The following COL4A6 variants were observed in gnomAD, a reference collection of about 807,000 sequenced individuals.
COL4A6 encodes collagen type IV alpha 6 chain.
A neutral mutation model predicts 126.7 loss-of-function variants in COL4A6; 59 were observed. The ratio of observed to expected loss-of-function variants is 0.47; its 90% CI spans 0.38 to 0.58. The LOEUF (loss-of-function observed/expected upper bound fraction) is 0.58, where lower values mean the gene tolerates loss of function less well. Ranked by LOEUF, COL4A6 falls within the 20% of genes least tolerant of loss-of-function variation. The pLI, the probability that COL4A6 is intolerant of heterozygous loss-of-function variation, is 0.00. For synonymous variants in COL4A6, 547 were observed against 496.6 expected (o/e 1.10, Z -1.35); for missense variants, 1,285 against 1,337.3 (o/e 0.96, Z 0.61).
At chrX:108,209,917 A>T in intron 8 of COL4A6, 52 bp downstream of exon 8, 1 of 1,176,578 alleles carries the variant, frequency 8.5e-7, no homozygotes, top group Non-Finnish European at 1.2e-6. Context: ...AAAATGCACC[A>T]TTAGTGATTT....
At chrX:108,421,966 A>G (rs1307260326) in intron 2 of COL4A6, among the ~76,000 whole-genome samples, 1 of 112,477 alleles carries the variant, frequency 8.9e-6, no homozygotes, top group Non-Finnish European at 1.9e-5. Context: ...ATTTCATACT[A>G]ATTTTTAAAA....
chrX:108,324,888 A>G (rs1156629812), intron 2 of COL4A6, among the ~76,000 whole-genome samples: 1 of 112,066 alleles, frequency 8.9e-6, no homozygotes, highest in Non-Finnish European at 1.9e-5. Context: ...AACCCAGCAA[A>G]TACACCAGGA....
Position 108,165,434 on chromosome X carries a change from G to A in COL4A6, c.3744C>T (p.Ser1248=). 8.3e-7 allele frequency: 1 copy of A among 1,206,195 alleles called. No homozygotes were observed. Among genetic ancestry groups the A allele is most frequent in the African/African-American group, 1.7e-5 (1 of 57,635 alleles). ...PAGLPGAPGI[S]LPSLIAGQPG... Reference sequence around the variant, plus strand: ...GCTGTCCTGCTATGAGTGAGGGCAAGGAGATGCCTGGGGCACCGGGGAGAC... The same window carrying A: ...GCTGTCCTGCTATGAGTGAGGGCAAAGAGATGCCTGGGGCACCGGGGAGAC... Residue 1248 remains serine, a synonymous_variant, in exon 38 of 45, where the codon TCC becomes TCT. Coordinates refer to ENST00000334504, the MANE Select transcript of COL4A6 (RefSeq NM_033641.4).
At chrX:108,389,129 C>G (rs1369793875) in intron 2 of COL4A6, among the ~76,000 whole-genome samples, 2 of 111,900 alleles carry the variant, frequency 1.8e-5, no homozygotes, top group African/African-American at 3.3e-5. Context: ...GAGTGTTTTA[C>G]TTCCAATTAT....
At chrX:108,405,084 G>A (rs2041176659) in intron 2 of COL4A6, among the ~76,000 whole-genome samples, 1 of 111,840 alleles carries the variant, frequency 8.9e-6, no homozygotes, top group Non-Finnish European at 1.9e-5. Flanking sequence ...AAGCATGAGT[G>A]AAAGACTGCT....
chrX:108,211,591 A>G, intron 7 of COL4A6, 81 bp downstream of exon 7: 1 of 895,374 alleles, frequency 1.1e-6, no homozygotes, highest in Non-Finnish European at 1.6e-6. Flanking sequence ...TAGTTCTGGA[A>G]ATGTTTTCAC....
chrX:108,333,643 A>T (rs192413485), intron 2 of COL4A6, among the ~76,000 whole-genome samples: 1 of 111,834 alleles, frequency 8.9e-6, no homozygotes, highest in East Asian at 2.8e-4. Context: ...TTCATTGATG[A>T]TATGATCTTA....
chrX:108,268,923 T>C (rs1239664894), intron 3 of COL4A6: 6 of 234,415 alleles, frequency 2.6e-5, no homozygotes, highest in Non-Finnish European at 4.8e-5. Flanking sequence ...TGATCATTCT[T>C]TCTTGGTTCT....
At chrX:108,335,269 T>C (rs1476548830) in intron 2 of COL4A6, among the ~76,000 whole-genome samples, 1 of 112,164 alleles carries the variant, frequency 8.9e-6, no homozygotes, top group African/African-American at 3.2e-5. Context: ...TTCCTAGCAC[T>C]AATGCTTGCC....
intron 2 of COL4A6, among the ~76,000 whole-genome samples, chrX:108,330,617 G>A (rs930642221): frequency 9.0e-6 from 1 of 111,310 alleles, no homozygotes; most frequent in Non-Finnish European, 1.9e-5. Context: ...ACAGGGGACA[G>A]GTAACTGCCA....
chrX:108,364,079 C>T (rs1010356599), intron 2 of COL4A6, among the ~76,000 whole-genome samples: 1 of 110,283 alleles, frequency 9.1e-6, no homozygotes, highest in Non-Finnish European at 1.9e-5. Context: ...GCCACATTGG[C>T]CAGGCTGATC....
chrX:108,284,457 A>G (rs2037947695), intron 3 of COL4A6, among the ~76,000 whole-genome samples: 1 of 112,210 alleles, frequency 8.9e-6, no homozygotes, highest in Non-Finnish European at 1.9e-5. Flanking sequence ...CTTAAAGTAT[A>G]ATGAAAAAGA....
chrX:108,296,253 C>A (rs1034861019), intron 3 of COL4A6, among the ~76,000 whole-genome samples: 24 of 112,479 alleles, frequency 2.1e-4, no homozygotes, highest in African/African-American at 7.1e-4. Context: ...TCAAACCCAA[C>A]AGATAAGCTC....
intron 2 of COL4A6, among the ~76,000 whole-genome samples, chrX:108,383,168 A>T (rs2040601616): frequency 9.1e-6 from 1 of 110,381 alleles, no homozygotes; most frequent in Non-Finnish European, 1.9e-5. Flanking sequence ...AATGAATAAA[A>T]AGCAAGACCC....
intron 2 of COL4A6, among the ~76,000 whole-genome samples, chrX:108,360,472 G>A (rs932983288): frequency 5.5e-5 from 6 of 110,081 alleles, no homozygotes; most frequent in Admixed American, 1.9e-4. Flanking sequence ...AAAAGGAGTA[G>A]AGAGATTGAT....
chrX:108,231,673 T>C (rs1057476463), intron 3 of COL4A6, among the ~76,000 whole-genome samples: 3 of 111,652 alleles, frequency 2.7e-5, no homozygotes, highest in Non-Finnish European at 1.9e-5. Context: ...ACACTGTCTC[T>C]GCATTGAATG....
Position 108,256,115 on chromosome X carries a change from G to A in COL4A6, c.145-34741C>T, listed in dbSNP as rs749958520. Among the ~76,000 whole-genome samples, 214 of 111,640 alleles carry A rather than the reference G, an allele frequency of 1.9e-3. 1 individual carries two copies. Among genetic ancestry groups the A allele is most frequent in the African/African-American group, 6.4e-3 (198 of 30,830 alleles). Reference sequence around the variant, plus strand: ...GCAAAGAGGAATACACAAACCACACGGGTAAATCTTTTGTATTCTAATTGT... The same window carrying A: ...GCAAAGAGGAATACACAAACCACACAGGTAAATCTTTTGTATTCTAATTGT... On this transcript the variant is annotated intron_variant, in intron 3 of 44. Coordinates refer to ENST00000334504, the MANE Select transcript of COL4A6 (RefSeq NM_033641.4).
At chrX:108,280,540 T>G (rs766998944) in intron 3 of COL4A6, among the ~76,000 whole-genome samples, 46 of 111,648 alleles carry the variant, frequency 4.1e-4, no homozygotes, top group African/African-American at 1.4e-3. Flanking sequence ...ACCAGATAGA[T>G]TCACAGCCGA....
At chrX:108,177,456 C>A (rs1258121234) in intron 27 of COL4A6, among the ~76,000 whole-genome samples, 1 of 111,511 alleles carries the variant, frequency 9.0e-6, no homozygotes, top group Non-Finnish European at 1.9e-5. Context: ...GTTTCAGCCT[C>A]CCAGGGAGCC....
Sources: allele counts gnomAD v4.1 joint callset (sites outside exome capture counted in the v4.1 genomes callset), GRCh38; gene constraint gnomAD v4.1.1; transcripts MANE v1.5; gene names NCBI Gene and HGNC (gene_info 2026-07-23, HGNC 2026-07-21).